The following KCNAB1 variants were observed in gnomAD, a reference collection of about 807,000 sequenced individuals.
The protein encoded by KCNAB1 is voltage-gated potassium channel subunit beta-1.
KCNAB1 carries 35 observed loss-of-function variants against 64.6 expected under a neutral mutation model. The observed-to-expected ratio is 0.54, with a 90% CI of 0.41 to 0.72. The LOEUF is 0.72. Ranked by LOEUF, KCNAB1 falls within the 30% of genes least tolerant of loss-of-function variation. The probability of loss-of-function intolerance (pLI) is 0.00; values close to 1 mark genes in which losing one functional copy is unlikely to be tolerated. For missense variants in KCNAB1, 401 were observed against 512.9 expected (o/e 0.78, Z 2.11); for synonymous variants, 177 against 183.8 (o/e 0.96, Z 0.30).
intron 8 of KCNAB1, among the ~76,000 whole-genome samples, chr3:156,479,464 G>A (rs1714627529): frequency 6.6e-6 from 1 of 151,968 alleles, no homozygotes. Context: ...CAAACACCAG[G>A]CTAATATCTC....
rs374117864 is a variant in KCNAB1 at position 156,330,391 on chromosome 3, C to G, written c.276-91225C>G. Among the ~76,000 whole-genome samples the G allele has an allele frequency of 5.9e-5, 9 of 152,214 alleles. No homozygotes were observed. In the East Asian group the frequency reaches 1.4e-3, roughly 23 times the overall value. Reference sequence around the variant, plus strand: ...CACTTCTCTTTACCATGATTGCTCTCAGAGCCCTGACAGTTTCCACAATCC... The same window carrying G: ...CACTTCTCTTTACCATGATTGCTCTGAGAGCCCTGACAGTTTCCACAATCC... On this transcript the variant is annotated intron_variant, in intron 1 of 13. Coordinates refer to ENST00000490337, the MANE Select transcript of KCNAB1 (RefSeq NM_172160.3).
intron 1 of KCNAB1, among the ~76,000 whole-genome samples, chr3:156,236,059 T>C (rs1716830012): frequency 6.6e-6 from 1 of 152,200 alleles, no homozygotes; most frequent in Non-Finnish European, 1.5e-5. Context: ...GACTCTGGTG[T>C]GGCCTGGGAT....
chr3:156,501,739 G>A (rs1716425800), intron 8 of KCNAB1, among the ~76,000 whole-genome samples: 1 of 152,064 alleles, frequency 6.6e-6, no homozygotes, highest in African/African-American at 2.4e-5. Flanking sequence ...GCCTGACTTA[G>A]TACCTTAAAG....
chr3:156,326,142 C>G (rs564052666), intron 1 of KCNAB1, among the ~76,000 whole-genome samples: 2 of 152,316 alleles, frequency 1.3e-5, no homozygotes, highest in South Asian at 2.1e-4. Flanking sequence ...TCTCCTGCAT[C>G]TCTGACTTGC....
At chr3:156,336,102 G>C (rs1239011846) in intron 1 of KCNAB1, among the ~76,000 whole-genome samples, 3 of 152,152 alleles carry the variant, frequency 2.0e-5, no homozygotes, top group Non-Finnish European at 4.4e-5. Context: ...GCTCACACCT[G>C]TAATCCTAGC....
At chr3:156,175,813 T>G (rs1022223755) in intron 1 of KCNAB1, 1 of 617,096 alleles carries the variant, frequency 1.6e-6, no homozygotes, top group African/African-American at 1.8e-5. Flanking sequence ...ACGTCACTTA[T>G]GCAGTCTGAG....
intron 1 of KCNAB1, among the ~76,000 whole-genome samples, chr3:156,224,370 C>T (rs1458207786): frequency 6.6e-6 from 1 of 152,248 alleles, no homozygotes; most frequent in African/African-American, 2.4e-5. Flanking sequence ...GAAAGAGGCT[C>T]CCACAGTGCA....
chr3:156,519,150 CT>C (rs1409124259), intron 11 of KCNAB1, among the ~76,000 whole-genome samples: 1 of 152,214 alleles, frequency 6.6e-6, no homozygotes, highest in Non-Finnish European at 1.5e-5. Context: ...CATCTGGACT[CT>C]GATTTCCTCC....
chr3:156,352,408 G>A (rs555687557), intron 1 of KCNAB1, among the ~76,000 whole-genome samples: 9 of 152,144 alleles, frequency 5.9e-5, no homozygotes, highest in South Asian at 2.1e-4. Context: ...TGTCACAGCC[G>A]CTCTAAGCAA....
At chr3:156,289,298 G>T (rs1361049457) in intron 1 of KCNAB1, among the ~76,000 whole-genome samples, 1 of 152,126 alleles carries the variant, frequency 6.6e-6, no homozygotes, top group Non-Finnish European at 1.5e-5. Context: ...GAAGTTCCTG[G>T]CTCCTGACCC....
intron 1 of KCNAB1, among the ~76,000 whole-genome samples, chr3:156,388,472 AT>A (rs1398801478): frequency 6.6e-6 from 1 of 152,170 alleles, no homozygotes; most frequent in Non-Finnish European, 1.5e-5. Flanking sequence ...TCCTAATAAT[AT>A]TCTAACACCA....
At chr3:156,180,771 G>T (rs1712751355) in intron 1 of KCNAB1, among the ~76,000 whole-genome samples, 2 of 152,188 alleles carry the variant, frequency 1.3e-5, no homozygotes, top group East Asian at 1.9e-4. Flanking sequence ...AGGCAAATAA[G>T]CTAAGCAGAG....
At chr3:156,385,824 T>C (rs1266552394) in intron 1 of KCNAB1, among the ~76,000 whole-genome samples, 2 of 152,250 alleles carry the variant, frequency 1.3e-5, no homozygotes, top group Non-Finnish European at 2.9e-5. Context: ...GAGCACTTTC[T>C]ATTTTGTGTA....
chr3:156,172,282 CTT>C (rs55927447), intron 1 of KCNAB1, among the ~76,000 whole-genome samples: 8 of 143,720 alleles, frequency 5.6e-5, no homozygotes, highest in Non-Finnish European at 3.0e-5. Context: ...ATTCAAATGG[CTT>C]TTTTTTTTTT....
intron 1 of KCNAB1, among the ~76,000 whole-genome samples, chr3:156,174,589 A>G (rs571812896): frequency 1.3e-5 from 2 of 152,222 alleles, no homozygotes; most frequent in African/African-American, 4.8e-5. Flanking sequence ...CAAAGTATCA[A>G]TGGGAAATCA....
At chr3:156,157,249 A>C (rs1715777368) in intron 1 of KCNAB1, among the ~76,000 whole-genome samples, 1 of 152,218 alleles carries the variant, frequency 6.6e-6, no homozygotes, top group East Asian at 1.9e-4. Context: ...GAACATTTTA[A>C]AATTTAATTC....
chr3:156,392,668 A>G (rs954815862), intron 1 of KCNAB1, among the ~76,000 whole-genome samples: 1 of 152,184 alleles, frequency 6.6e-6, no homozygotes, highest in Admixed American at 6.5e-5. Flanking sequence ...TTCTATTCTT[A>G]GTTTACCAAG....
At chr3:156,335,853 G>GTTT (rs4056366) in intron 1 of KCNAB1, among the ~76,000 whole-genome samples, 13,050 of 135,138 alleles carry the variant, frequency 0.097, 1,770 homozygotes, top group African/African-American at 0.3. Flanking sequence ...AATTGTTTGG[G>GTTT]TTTTTTTTTT....
intron 1 of KCNAB1, among the ~76,000 whole-genome samples, chr3:156,296,929 T>C (rs902022330): frequency 6.6e-6 from 1 of 152,192 alleles, no homozygotes; most frequent in African/African-American, 2.4e-5. Flanking sequence ...TATAGCATGA[T>C]AGCAAAACCA....
Sources: gnomAD v4.1 joint callset for allele counts (sites outside exome capture counted in the v4.1 genomes callset) on GRCh38, gnomAD v4.1.1 for gene constraint, MANE v1.5 for transcripts, NCBI Gene and HGNC (gene_info 2026-07-23, HGNC 2026-07-21) for gene names.